The following PCID2 variants were observed in gnomAD, a reference collection of about 807,000 sequenced individuals.
PCID2 encodes the protein PCI domain containing 2.
PCID2 carries 41 observed loss-of-function variants against 61.3 expected under a neutral mutation model. The ratio of observed to expected loss-of-function variants is 0.67; its 90% CI spans 0.52 to 0.87. PCID2 has a LOEUF of 0.87. PCID2 is among the 40% of genes least tolerant of loss of function. PCID2 has a pLI of 0.00. For missense variants in PCID2, 392 were observed against 493.4 expected, an observed-to-expected ratio of 0.79 and a Z score of 1.95; for synonymous variants, 187 against 177.8, an observed-to-expected ratio of 1.05 and a Z score of -0.41.
the PCID2 span, chr13:113,165,179 A>G: frequency 6.6e-7 from 1 of 1,524,496 alleles, no homozygotes; most frequent in Non-Finnish European, 9.0e-7. Context: ...CTCACTTGTC[A>G]TTTCCTAAAT....
intron 1 of PCID2, 143 bp from the exon 2 acceptor site, chr13:113,200,659 A>C: frequency 2.0e-6 from 1 of 509,534 alleles, no homozygotes. Context: ...AATGTAACAG[A>C]TGGTCACTAC....
the PCID2 span, chr13:113,171,656 C>A: frequency 6.2e-7 from 1 of 1,614,084 alleles, no homozygotes; most frequent in Non-Finnish European, 8.5e-7. The surrounding 1 kb of genome is among the most constrained non-coding windows in gnomAD (Gnocchi z 5.1). Context: ...TGTGCACATG[C>A]GGTATGACGC....
the PCID2 span, among the ~76,000 whole-genome samples, chr13:113,169,450 CA>C: frequency 6.6e-6 from 1 of 152,200 alleles, no homozygotes; most frequent in Non-Finnish European, 1.5e-5. Flanking sequence ...TTATGGGTCA[CA>C]TTTTCCTGTT....
At chr13:113,189,406 T>G (rs2038405261) in intron 7 of PCID2, among the ~76,000 whole-genome samples, 1 of 151,996 alleles carries the variant, frequency 6.6e-6, no homozygotes, top group South Asian at 2.1e-4. Context: ...ATTCCCCTTT[T>G]CTTACATTCC....
intron 6 of PCID2, among the ~76,000 whole-genome samples, chr13:113,194,562 T>C (rs1046785824): frequency 2.0e-5 from 3 of 152,124 alleles, no homozygotes; most frequent in African/African-American, 7.2e-5. Flanking sequence ...TTTCTAAAAC[T>C]GTAAAGGGGT....
At chr13:113,182,256 G>A (rs778919882) in intron 9 of PCID2, among the ~76,000 whole-genome samples, 3 of 152,102 alleles carry the variant, frequency 2.0e-5, no homozygotes, top group Non-Finnish European at 2.9e-5. Flanking sequence ...TGGCCACATT[G>A]GCACAAAAAA....
intron 1 of PCID2, among the ~76,000 whole-genome samples, chr13:113,201,412 G>A (rs1282626178): frequency 1.3e-5 from 2 of 152,206 alleles, no homozygotes; most frequent in Non-Finnish European, 2.9e-5. Context: ...TGACTGCGCA[G>A]AACGTCGGGT....
chr13:113,184,867 T>G (rs1007301897), intron 8 of PCID2, among the ~76,000 whole-genome samples: 1 of 151,328 alleles, frequency 6.6e-6, no homozygotes, highest in African/African-American at 2.4e-5. Context: ...GTGGAGGCTC[T>G]GCGAAGCCGT....
chr13:113,193,317 G>C (rs951779880), intron 6 of PCID2, among the ~76,000 whole-genome samples: 1 of 151,654 alleles, frequency 6.6e-6, no homozygotes, highest in African/African-American at 2.4e-5. Context: ...CCTATATAGA[G>C]TCAAAGAATT....
intron 1 of PCID2, among the ~76,000 whole-genome samples, chr13:113,202,733 G>T (rs2039519407): frequency 6.6e-6 from 1 of 152,162 alleles, no homozygotes; most frequent in Non-Finnish European, 1.5e-5. Flanking sequence ...AGGAAATACA[G>T]GATGGAGAAG....
chr13:113,168,829 G>T, the PCID2 span, among the ~76,000 whole-genome samples: 1 of 152,230 alleles, frequency 6.6e-6, no homozygotes, highest in East Asian at 1.9e-4. Flanking sequence ...CCTGGGTTCA[G>T]GTGATCCTCC....
chr13:113,178,445 C>T (rs2037306983), intron 13 of PCID2, 158 bp from the exon 14 acceptor site: 1 of 555,044 alleles, frequency 1.8e-6, no homozygotes, highest in Non-Finnish European at 3.3e-6. Flanking sequence ...TACAATCAAC[C>T]CTCTATATCC....
At chr13:113,178,928 G>GTT (rs771626229) in intron 13 of PCID2, 38 bp downstream of exon 13, 2 of 1,587,952 alleles carry the variant, frequency 1.3e-6, no homozygotes, top group Non-Finnish European at 1.7e-6. Flanking sequence ...GAATCTTGCT[G>GTT]TGAGTAGCTG....
chr13:113,185,667 G>T, intron 7 of PCID2, 107 bp from the exon 8 acceptor site: 1 of 682,936 alleles, frequency 1.5e-6, no homozygotes. Context: ...AAGTCCCAAA[G>T]CTCAAGTCAT....
At position 113,179,185 on chromosome 13, in the gene PCID2, G is replaced by A. The variant is rs486407; in HGVS notation, c.987-96C>T. 0.76 allele frequency: 840,611 copies of A among 1,108,978 alleles called. 322,672 individuals are homozygous for A. Among genetic ancestry groups the A allele is most frequent in the Middle Eastern group, 0.81 (3,382 of 4,198 alleles). 68.7% of individuals were successfully genotyped at this position (1,108,978 alleles called of 1,614,324 possible). A position where few individuals can be genotyped will look rare whatever the true frequency, so the allele number is the denominator to read the frequency against. On this transcript the variant is annotated intron_variant, in intron 12 of 13. Transcript: ENST00000337344. The surrounding 1 kb of genome is among the most constrained non-coding windows in gnomAD (Gnocchi z 4.3). ...CCTCTTAATAAGCCGGTGTTCTAAA[G>A]GAGTAAAAAAATTCCCACCTATTAG...
At chr13:113,197,111 C>A (rs1003428554) in intron 4 of PCID2, 67 bp downstream of exon 4, 1 of 1,614,182 alleles carries the variant, frequency 6.2e-7, no homozygotes, top group South Asian at 1.1e-5. Context: ...GTTTCCGGGT[C>A]TCAAGTCCCA....
chr13:113,169,894 C>T, the PCID2 span, among the ~76,000 whole-genome samples: 1 of 152,238 alleles, frequency 6.6e-6, no homozygotes, highest in Non-Finnish European at 1.5e-5. Flanking sequence ...CTCTACCAAG[C>T]TCTCTCCTCT....
the PCID2 span, among the ~76,000 whole-genome samples, chr13:113,170,842 G>C: frequency 5.9e-5 from 9 of 152,042 alleles, no homozygotes; most frequent in East Asian, 3.9e-4. Context: ...CTAAAAATCG[G>C]AAGAATGGGG....
At chr13:113,177,176 T>C (rs559469075), downstream of PCID2, among the ~76,000 whole-genome samples, 1 of 152,366 alleles carries the variant, frequency 6.6e-6, no homozygotes, top group Non-Finnish European at 1.5e-5. Context: ...TCGCTCTTGT[T>C]GCCCAGGCTG....
Sources: gnomAD v4.1 joint callset for allele counts (sites outside exome capture counted in the v4.1 genomes callset) on GRCh38, gnomAD v4.1.1 for gene constraint, Gnocchi (gnomAD v3.1) non-coding constraint, MANE v1.5 for transcripts, NCBI Gene and HGNC (gene_info 2026-07-23, HGNC 2026-07-21) for gene names.